TNKS: variants seen among roughly 807,000 people sequenced by gnomAD.
TNKS encodes tankyrase, also known as poly [ADP-ribose] polymerase tankyrase-1.
TNKS carries 72 observed loss-of-function variants against 135.8 expected under a neutral mutation model. The ratio of observed to expected loss-of-function variants is 0.53; its 90% CI spans 0.44 to 0.64. The LOEUF (loss-of-function observed/expected upper bound fraction) is 0.64. Ranked by LOEUF, TNKS falls within the 30% of genes least tolerant of loss-of-function variation. TNKS has a pLI of 0.00. For synonymous variants in TNKS, 849 were observed against 649.3 expected, an observed-to-expected ratio of 1.31 and a Z score of -4.68; for missense variants, 1,769 against 1,674.0, an observed-to-expected ratio of 1.06 and a Z score of -0.99.
chr8:9,756,981 G>GT (rs568913816), intron 20 of TNKS, among the ~76,000 whole-genome samples: 206 of 150,708 alleles, frequency 1.4e-3, no homozygotes, highest in Admixed American at 3.6e-3. Context: ...GTTTTTTTTT[G>GT]TTTGTTTGTT....
chr8:9,651,835 C>T (rs969501158), intron 3 of TNKS, among the ~76,000 whole-genome samples: 3 of 152,164 alleles, frequency 2.0e-5, no homozygotes, highest in African/African-American at 7.2e-5. Context: ...ATTTAACATA[C>T]TGCTGATCCT....
In TNKS at chr8:9,749,319, C is replaced by T. The variant is rs527861203; in HGVS notation, c.2832+1107C>T. Among the ~76,000 whole-genome samples, 12 of 152,298 alleles carry T rather than the reference C, an allele frequency of 7.9e-5. 1 individual carries two copies. The highest frequency in any genetic ancestry group is 2.6e-4 in the African/African-American group (11 of 41,564). On this transcript the variant is annotated intron_variant, in intron 18 of 26. Transcript: ENST00000310430. ...CCACCAACAGGGGGCAGATAGTCAT[C>T]ACTGGGTCCTTAGCAATTCTAAAAT...
chr8:9,602,710 A>G (rs1185234792), intron 2 of TNKS, among the ~76,000 whole-genome samples: 1 of 152,192 alleles, frequency 6.6e-6, no homozygotes, highest in Non-Finnish European at 1.5e-5. Context: ...CCACACATAT[A>G]TGTAATTTAA....
At chr8:9,568,536 A>T (rs997352439) in intron 1 of TNKS, among the ~76,000 whole-genome samples, 26 of 152,214 alleles carry the variant, frequency 1.7e-4, no homozygotes, top group African/African-American at 5.8e-4. Flanking sequence ...AAACTCCATT[A>T]TATGTAAATA....
chr8:9,581,718 A>G (rs939011598), intron 2 of TNKS, among the ~76,000 whole-genome samples: 1 of 152,140 alleles, frequency 6.6e-6, no homozygotes. Flanking sequence ...CTTTCTTAAA[A>G]TATTATCCTT....
At chr8:9,657,604 GA>G (rs1222942994) in intron 3 of TNKS, among the ~76,000 whole-genome samples, 8 of 86,810 alleles carry the variant, frequency 9.2e-5, no homozygotes, top group African/African-American at 2.2e-4. Context: ...GCGGAGGGCT[GA>G]CCCCCCTACC....
At chr8:9,602,308 A>G (rs75846439) in intron 2 of TNKS, among the ~76,000 whole-genome samples, 3 of 152,150 alleles carry the variant, frequency 2.0e-5, no homozygotes, top group Non-Finnish European at 2.9e-5. Flanking sequence ...CCCATGGTCT[A>G]CGTATCGCAG....
chr8:9,594,007 C>G (rs1202780335), intron 2 of TNKS, among the ~76,000 whole-genome samples: 1 of 152,140 alleles, frequency 6.6e-6, no homozygotes, highest in Non-Finnish European at 1.5e-5. Context: ...CTGCCTCAGC[C>G]TCCCGAATAG....
In TNKS at chr8:9,556,123, G is replaced by A; in HGVS notation, c.184G>A (p.Gly62Ser). 1.2e-6 allele frequency: 2 copies of A among 1,600,572 alleles called. No individual in the cohort carries two copies. Among genetic ancestry groups the A allele is most frequent in the East Asian group, 2.2e-5 (1 of 44,660 alleles). ...GLAPFASPRH[G>S]LALPEGDGSR... ...GGCCCCCTTCGCCTCCCCGCGGCAC[G>A]GCCTAGCGCTGCCGGAGGGGGATGG... The change falls in exon 1 of 27, where the codon GGC becomes AGC. Residue 62 changes from glycine (G) to serine (S), a missense_variant. Around this residue, in one of 5 missense-constraint regions of TNKS, gnomAD observed 450 missense variants for 304.9 expected, o/e 1.48. Coordinates refer to ENST00000310430, the MANE Select transcript of TNKS (RefSeq NM_003747.3).
intron 3 of TNKS, among the ~76,000 whole-genome samples, chr8:9,621,651 A>C (rs12682175): frequency 1.3e-5 from 2 of 151,948 alleles, no homozygotes; most frequent in African/African-American, 4.8e-5. Context: ...TAGCTATACT[A>C]TAACCTGGCA....
At chr8:9,703,117 G>A (rs374810895) in intron 5 of TNKS, among the ~76,000 whole-genome samples, 3 of 152,128 alleles carry the variant, frequency 2.0e-5, no homozygotes, top group South Asian at 4.2e-4. Context: ...TCAGGAGCCC[G>A]GTAGATGCCT....
At chr8:9,676,167 A>G (rs1802525914) in intron 3 of TNKS, among the ~76,000 whole-genome samples, 1 of 151,810 alleles carries the variant, frequency 6.6e-6, no homozygotes, top group Non-Finnish European at 1.5e-5. Flanking sequence ...ATCCACCACC[A>G]TGCCTGGCTA....
chr8:9,557,595 T>C (rs1222133620), intron 1 of TNKS: 1 of 152,138 alleles, frequency 6.6e-6, no homozygotes, highest in Non-Finnish European at 1.5e-5. Flanking sequence ...ACATATATTG[T>C]ACGTTATACA....
intron 3 of TNKS, among the ~76,000 whole-genome samples, chr8:9,658,983 AAAG>A (rs1178392241): frequency 3.9e-5 from 6 of 152,232 alleles, no homozygotes; most frequent in African/African-American, 1.4e-4. Flanking sequence ...CAAAAGAGAC[AAAG>A]AAGGCCCTTA....
intron 2 of TNKS, among the ~76,000 whole-genome samples, chr8:9,589,244 C>G (rs553975040): frequency 1.3e-5 from 2 of 152,158 alleles, no homozygotes; most frequent in African/African-American, 4.8e-5. Flanking sequence ...ACATTCTGGG[C>G]CAAGGGTAGC....
chr8:9,672,884 CT>C (rs1802363075), intron 3 of TNKS, among the ~76,000 whole-genome samples: 1 of 151,972 alleles, frequency 6.6e-6, no homozygotes, highest in African/African-American at 2.4e-5. Flanking sequence ...TCCTTTCCTC[CT>C]TTTTTGTTTT....
chr8:9,598,291 C>T (rs1368010797), intron 2 of TNKS, among the ~76,000 whole-genome samples: 2 of 152,016 alleles, frequency 1.3e-5, no homozygotes, highest in Non-Finnish European at 2.9e-5. Flanking sequence ...TCGTGATCCG[C>T]CTGCCTCGGC....
chr8:9,728,626 C>T (rs1394984891), intron 13 of TNKS, among the ~76,000 whole-genome samples: 1 of 152,162 alleles, frequency 6.6e-6, no homozygotes, highest in East Asian at 1.9e-4. Context: ...TGTTTATTAT[C>T]AATTTTTGCA....
At position 9,780,305 on chromosome 8, in the gene TNKS, T is replaced by C. The variant is rs1400276823; in HGVS notation, c.*3569T>C. The C allele has an allele frequency of 1.3e-5, 2 of 152,218 alleles. No homozygotes were observed. The highest frequency in any genetic ancestry group is 4.1e-4 in the South Asian group (2 of 4,822). The allele number at this position is 152,218 out of a possible 1,614,324, so 9.4% of individuals were successfully genotyped here. Reference sequence around the variant, plus strand: ...TCCCCCATTGTATCCGAATCCCTCTTGTGTGATATCTGTGACAAATAGCCT... The same window carrying C: ...TCCCCCATTGTATCCGAATCCCTCTCGTGTGATATCTGTGACAAATAGCCT... On this transcript the variant is annotated 3_prime_UTR_variant, in exon 27 of 27. Transcript: ENST00000310430.
Sources: gnomAD v4.1 joint callset for allele counts (sites outside exome capture counted in the v4.1 genomes callset) on GRCh38, gnomAD v4.1.1 for gene constraint, gnomAD v4.1.1 regional missense constraint, MANE v1.5 for transcripts, NCBI Gene and HGNC (gene_info 2026-07-23, HGNC 2026-07-21) for gene names.